SYNPR: variants seen among roughly 807,000 people sequenced by gnomAD.
The protein encoded by SYNPR is synaptoporin.
In SYNPR, 23 loss-of-function variants were observed where a neutral mutation model predicts 32.9. The ratio of observed to expected loss-of-function variants is 0.70; its 90% CI spans 0.50 to 0.99. The LOEUF (loss-of-function observed/expected upper bound fraction) is 0.99. Among genes scored for constraint, SYNPR ranks in the 50% least tolerant of loss-of-function variants. The probability of loss-of-function intolerance (pLI) is 0.00; values close to 1 mark genes in which losing one functional copy is unlikely to be tolerated. For missense variants in SYNPR, 318 were observed against 349.3 expected (o/e 0.91, Z 0.71); for synonymous variants, 146 against 135.9 (o/e 1.07, Z -0.52).
chr3:63,596,500 C>T (rs1699961622), intron 4 of SYNPR, among the ~76,000 whole-genome samples: 1 of 152,056 alleles, frequency 6.6e-6, no homozygotes, highest in African/African-American at 2.4e-5. Context: ...CAACACCTAA[C>T]AAAATGCAGC....
At chr3:63,298,049 A>G (rs900099530) in intron 2 of SYNPR, among the ~76,000 whole-genome samples, 2 of 152,194 alleles carry the variant, frequency 1.3e-5, no homozygotes, top group Admixed American at 1.3e-4. Context: ...ATAGCTGGTT[A>G]TCATTTAATG....
rs3082131 is a variant in SYNPR at position 63,336,519 on chromosome 3, C to CAAA, written c.84+57818_84+57820dup. On this transcript the variant is annotated intron_variant, in intron 2 of 5. Transcript: ENST00000478300. ...ACTAGAACAAGTGGACATTCCCATGCAAAAAAAAAAAAAAAAAAAAAAAAA... is the reference window on the plus strand; with the variant it reads ...ACTAGAACAAGTGGACATTCCCATGCAAAAAAAAAAAAAAAAAAAAAAAAAAAA... 5.7e-4 allele frequency among the ~76,000 whole-genome samples: 28 copies of CAAA among 48,816 alleles called. 3 individuals carry two copies. The highest frequency in any genetic ancestry group is 3.4e-3 in the East Asian group (4 of 1,190). 32.0% of individuals were successfully genotyped at this position (48,816 alleles called of 152,430 possible).
intron 3 of SYNPR, among the ~76,000 whole-genome samples, chr3:63,495,960 A>ATG: frequency 8.0e-6 from 1 of 125,754 alleles, no homozygotes; most frequent in East Asian, 2.3e-4. Flanking sequence ...GACTTTGGAT[A>ATG]ACGGTATGTC....
intron 2 of SYNPR, among the ~76,000 whole-genome samples, chr3:63,398,451 T>C (rs2088245641): frequency 6.6e-6 from 1 of 152,022 alleles, no homozygotes; most frequent in South Asian, 2.1e-4. Flanking sequence ...CCAGGCGCGG[T>C]GGCTCACGCC....
At chr3:63,234,961 A>G (rs2086190646) in intron 1 of SYNPR, among the ~76,000 whole-genome samples, 1 of 152,198 alleles carries the variant, frequency 6.6e-6, no homozygotes, top group Non-Finnish European at 1.5e-5. Flanking sequence ...TCCTTTTACA[A>G]TTTGTCTACA....
chr3:63,492,018 G>C (rs757320331), intron 3 of SYNPR, among the ~76,000 whole-genome samples: 1 of 152,122 alleles, frequency 6.6e-6, no homozygotes, highest in Non-Finnish European at 1.5e-5. Flanking sequence ...TCTATCAGAA[G>C]CTGAGAATAT....
intron 2 of SYNPR, among the ~76,000 whole-genome samples, chr3:63,385,286 C>T (rs1306200796): frequency 2.0e-5 from 3 of 152,174 alleles, no homozygotes; most frequent in Non-Finnish European, 4.4e-5. Context: ...TCCTTCCTTT[C>T]TCTTTCAGAG....
intron 2 of SYNPR, among the ~76,000 whole-genome samples, chr3:63,456,433 G>C (rs916709364): frequency 6.6e-6 from 1 of 152,080 alleles, no homozygotes; most frequent in African/African-American, 2.4e-5. Context: ...TGGTCATAAG[G>C]ATATGGGAAT....
intron 2 of SYNPR, among the ~76,000 whole-genome samples, chr3:63,417,735 C>G (rs528753086): frequency 6.6e-6 from 1 of 152,232 alleles, no homozygotes; most frequent in African/African-American, 2.4e-5. Context: ...TTGGGGCTTG[C>G]ACCCTCTGAA....
chr3:63,546,411 T>C (rs1702402505), intron 3 of SYNPR, among the ~76,000 whole-genome samples: 1 of 151,970 alleles, frequency 6.6e-6, no homozygotes, highest in Admixed American at 6.6e-5. Flanking sequence ...TCCTGGCATA[T>C]ATATTCTTAA....
At chr3:63,492,980 G>A (rs2106719335) in intron 3 of SYNPR, among the ~76,000 whole-genome samples, 1 of 152,212 alleles carries the variant, frequency 6.6e-6, no homozygotes, top group South Asian at 2.1e-4. Flanking sequence ...TTATCTGTAT[G>A]TTATGTCATG....
chr3:63,315,975 T>C (rs1302108966), intron 2 of SYNPR, among the ~76,000 whole-genome samples: 8 of 152,122 alleles, frequency 5.3e-5, no homozygotes, highest in African/African-American at 1.9e-4. Flanking sequence ...TTGAATACTT[T>C]TTCTGCATCT....
chr3:63,552,161 G>A (rs1019150450), intron 3 of SYNPR, among the ~76,000 whole-genome samples: 36 of 152,122 alleles, frequency 2.4e-4, no homozygotes, highest in Non-Finnish European at 8.8e-5. Context: ...GCCTCCCAAA[G>A]TGCTGTGATT....
At chr3:63,478,577 T>A (rs2106692767) in intron 2 of SYNPR, among the ~76,000 whole-genome samples, 1 of 152,330 alleles carries the variant, frequency 6.6e-6, no homozygotes, top group South Asian at 2.1e-4. Flanking sequence ...AATCCCTTCT[T>A]ACTTTTATGT....
intron 3 of SYNPR, among the ~76,000 whole-genome samples, chr3:63,521,309 T>C (rs1367192159): frequency 2.0e-5 from 3 of 152,198 alleles, no homozygotes; most frequent in African/African-American, 7.2e-5. Context: ...CCTCAGCAAG[T>C]GATCAAAAAA....
chr3:63,513,031 G>A (rs1225786889), intron 3 of SYNPR, among the ~76,000 whole-genome samples: 2 of 151,986 alleles, frequency 1.3e-5, no homozygotes, highest in African/African-American at 2.4e-5. Context: ...TGCAGGCAAG[G>A]GGGATTAAGA....
At chr3:63,462,334 G>T (rs1205181219) in intron 2 of SYNPR, among the ~76,000 whole-genome samples, 1 of 151,874 alleles carries the variant, frequency 6.6e-6, no homozygotes, top group African/African-American at 2.4e-5. Flanking sequence ...TTCATTTCTT[G>T]CTATATACAT....
At chr3:63,220,900 T>G in the SYNPR span, among the ~76,000 whole-genome samples, 6 of 152,208 alleles carry the variant, frequency 3.9e-5, no homozygotes, top group Non-Finnish European at 8.8e-5. Context: ...TGTTATTTGG[T>G]CTTTTCTGTT....
At chr3:63,491,643 C>T (rs939716569) in intron 3 of SYNPR, among the ~76,000 whole-genome samples, 4 of 152,104 alleles carry the variant, frequency 2.6e-5, no homozygotes, top group Middle Eastern at 3.2e-3. Context: ...GCCTCAGCCT[C>T]CCGAGTAGTT....
Sources: allele counts gnomAD v4.1 joint callset (sites outside exome capture counted in the v4.1 genomes callset), GRCh38; gene constraint gnomAD v4.1.1; transcripts MANE v1.5; gene names NCBI Gene and HGNC (gene_info 2026-07-23, HGNC 2026-07-21).